Variants in CTC1 observed in about 807,000 individuals in gnomAD.
CTC1 encodes the protein CST complex subunit CTC1.
In CTC1, 91 loss-of-function variants were observed where a neutral mutation model predicts 136.3. The ratio of observed to expected loss-of-function variants is 0.67; its 90% confidence interval spans 0.56 to 0.79. CTC1 has a LOEUF of 0.79. Ranked by LOEUF, CTC1 falls within the 30% of genes least tolerant of loss-of-function variation. CTC1 has a pLI of 0.00. For synonymous variants in CTC1, 606 were observed against 613.8 expected (o/e 0.99, Z 0.19); for missense variants, 1,432 against 1,498.1 (o/e 0.96, Z 0.73).
At chr17:8,239,094 A>G (rs962713087) in intron 2 of CTC1, among the ~76,000 whole-genome samples, 34 of 151,436 alleles carry the variant, frequency 2.2e-4, no homozygotes, top group African/African-American at 8.0e-4. Context: ...TGTCTCAAAA[A>G]AAAAAAAAAA....
At chr17:8,230,190 T>A in intron 17 of CTC1, 104 bp downstream of exon 17, 2 of 1,218,860 alleles carry the variant, frequency 1.6e-6, no homozygotes, top group Non-Finnish European at 2.3e-6. Context: ...TATGGAAACC[T>A]GTATGAAAGA....
intron 1 of CTC1, 135 bp downstream of exon 1, chr17:8,247,869 C>T: frequency 1.2e-6 from 1 of 816,754 alleles, no homozygotes; most frequent in Non-Finnish European, 2.0e-6. Context: ...AGGAGCGGAC[C>T]GACTCACAAC....
intron 5 of CTC1, 101 bp from the exon 6 acceptor site, chr17:8,236,443 C>A: frequency 8.1e-7 from 1 of 1,230,326 alleles, no homozygotes; most frequent in Non-Finnish European, 1.1e-6. Flanking sequence ...GACCTGCCCT[C>A]TGTGAGTCTC....
At chr17:8,247,719 C>G (rs1436163415) in intron 1 of CTC1, 11 of 420,076 alleles carry the variant, frequency 2.6e-5, no homozygotes, top group Non-Finnish European at 4.8e-5. Flanking sequence ...CAGGAACCCA[C>G]AGCCCCATAG....
chr17:8,234,953 C>T, intron 8 of CTC1, 27 bp from the exon 9 acceptor site: 1 of 1,593,712 alleles, frequency 6.3e-7, no homozygotes, highest in Non-Finnish European at 8.6e-7. Context: ...AGCACAGTCA[C>T]TTCCCCTGAA....
rs886053608 is a variant in CTC1, at chr17:8,228,115, G to A, written c.*65C>T. The A allele has an allele frequency of 5.4e-6, 8 of 1,486,448 alleles. No individual in the cohort carries two copies. Among genetic ancestry groups the A allele is most frequent in the Middle Eastern group, 1.7e-4 (1 of 5,764 alleles). 92.1% of individuals were successfully genotyped at this position (1,486,448 alleles called of 1,614,324 possible). A position where few individuals can be genotyped will look rare whatever the true frequency, so the allele number is the denominator to read the frequency against. On this transcript the variant is annotated 3_prime_UTR_variant, in exon 23 of 23. Transcript: ENST00000651323. Reference sequence around the variant, plus strand: ...TCAATCACAGAACAAGTAGGGAGAGGAGCCAGGACCTAGGCCTTCAGGTTT... The same window carrying A: ...TCAATCACAGAACAAGTAGGGAGAGAAGCCAGGACCTAGGCCTTCAGGTTT...
At chr17:8,231,660 G>A in intron 14 of CTC1, 66 bp downstream of exon 14, 1 of 1,444,874 alleles carries the variant, frequency 6.9e-7, no homozygotes, top group Non-Finnish European at 9.7e-7. Flanking sequence ...GCACTGGCAT[G>A]CCCTCTTTAG....
At chr17:8,241,956 G>A (rs1054578237) in intron 2 of CTC1, among the ~76,000 whole-genome samples, 4 of 151,738 alleles carry the variant, frequency 2.6e-5, no homozygotes, top group Non-Finnish European at 5.9e-5. Flanking sequence ...ATTGCTTAAG[G>A]ATAGATGCAT....
intron 1 of CTC1, among the ~76,000 whole-genome samples, chr17:8,246,198 C>A (rs1988683146): frequency 1.6e-5 from 2 of 125,286 alleles, no homozygotes; most frequent in African/African-American, 6.1e-5. Flanking sequence ...CAGAGTAAGA[C>A]CTTGTTTCAA....
intron 18 of CTC1, 61 bp from the exon 19 acceptor site, chr17:8,229,507 T>G: frequency 7.3e-6 from 11 of 1,505,176 alleles, no homozygotes; most frequent in Non-Finnish European, 1.0e-5. Flanking sequence ...AAAGGGGTTC[T>G]GAAAGCAGGG....
chr17:8,230,764 A>G (rs1987150199), intron 15 of CTC1, 113 bp from the exon 16 acceptor site: 4 of 850,650 alleles, frequency 4.7e-6, no homozygotes, highest in Non-Finnish European at 5.7e-6. Context: ...CTTCATATAT[A>G]AAGTCCTGAA....
rs778463813 is a variant in CTC1 at position 8,230,450 on chromosome 17, C to T, written c.2777G>A (p.Arg926Lys). 3 of 1,614,026 alleles carry T rather than the reference C, an allele frequency of 1.9e-6. No homozygotes were observed. The highest frequency in any genetic ancestry group is 2.5e-6 in the Non-Finnish European group (3 of 1,179,938). ...AGCGACTGTTAGCTTCACACACCTTCTCATGGCCCCCGTGTTCCCTATAGA... is the reference window on the plus strand; with the variant it reads ...AGCGACTGTTAGCTTCACACACCTTTTCATGGCCCCCGTGTTCCCTATAGA... ...WMKLGNTGAM[R>K]RCVKLTVALE... is the part of the protein sequence containing the mutation. Residue 926 changes from arginine (R) to lysine (K), a missense_variant, in exon 17 of 23, where the codon AGA (arginine) becomes AAA (lysine). Transcript: ENST00000651323.
intron 18 of CTC1, 50 bp from the exon 19 acceptor site, chr17:8,229,496 C>A: frequency 6.5e-7 from 1 of 1,545,368 alleles, no homozygotes. Flanking sequence ...ACAGAACAGG[C>A]AAAGGGGTTC....
intron 17 of CTC1, 34 bp downstream of exon 17, chr17:8,230,260 G>A: frequency 6.3e-7 from 1 of 1,584,244 alleles, no homozygotes; most frequent in Non-Finnish European, 8.6e-7. Flanking sequence ...CACATCAGTA[G>A]CAAGAGGAGG....
intron 2 of CTC1, among the ~76,000 whole-genome samples, chr17:8,242,046 T>TA (rs1988272071): frequency 7.9e-5 from 12 of 151,712 alleles, no homozygotes; most frequent in Admixed American, 1.3e-4. Context: ...TATTTTTTTT[T>TA]AAATATGGAG....
intron 4 of CTC1, 95 bp from the exon 5 acceptor site, chr17:8,237,614 G>T: frequency 1.2e-6 from 1 of 830,862 alleles, no homozygotes; most frequent in Non-Finnish European, 1.7e-6. Flanking sequence ...GCAGTAAGCT[G>T]AGATCCCGCC....
chr17:8,231,372 C>A lies in CTC1; in HGVS notation c.2573G>T (p.Trp858Leu). 2 of 1,613,270 alleles carry A rather than the reference C, an allele frequency of 1.2e-6. No individual in the cohort carries two copies. Among genetic ancestry groups the A allele is most frequent in the Non-Finnish European group, 1.7e-6 (2 of 1,179,320 alleles). ...CASCLTVQDN[W>L]TLELESSQDI... ...CTGGGAGCTTTCAAGCTCCAGAGTC[C>A]AGTTGTCCTGGACAGTGAGGCAGGA... The change falls in exon 15 of 23, where the codon TGG becomes TTG. Residue 858 changes from tryptophan (W) to leucine (L), a missense_variant. By Grantham distance (61) the Trp-to-Leu change is moderately conservative (BLOSUM62 -2). Transcript: ENST00000651323.
chr17:8,242,024 GATT>G (rs369958016), intron 2 of CTC1, among the ~76,000 whole-genome samples: 12 of 109,790 alleles, frequency 1.1e-4, no homozygotes, highest in Non-Finnish European at 2.2e-4. Context: ...CCAAGATAGT[GATT>G]ATTATTATTA....
rs1230895650 is a variant in CTC1, at chr17:8,227,069, A to G, written c.*1111T>C. The G allele has an allele frequency of 1.3e-5, 2 of 150,796 alleles. No homozygotes were observed. Among genetic ancestry groups the G allele is most frequent in the Non-Finnish European group, 2.9e-5 (2 of 68,024 alleles). The allele number at this position is 150,796 out of a possible 1,614,324, so 9.3% of individuals were successfully genotyped here. A position where few individuals can be genotyped will look rare whatever the true frequency, so the allele number is the denominator to read the frequency against. On this transcript the variant is annotated 3_prime_UTR_variant, in exon 23 of 23. Transcript: ENST00000651323. ...AACCAACTGAGCTAACCGGCCACTA[A>G]CTTTCCGGGTCTACTTCAAATCTTA...
Sources: allele counts gnomAD v4.1 joint callset (sites outside exome capture counted in the v4.1 genomes callset), GRCh38; gene constraint gnomAD v4.1.1; transcripts MANE v1.5; gene names NCBI Gene and HGNC (gene_info 2026-07-23, HGNC 2026-07-21).